The following GRID2 variants were observed in gnomAD, a reference collection of about 807,000 sequenced individuals.
The protein encoded by GRID2 is glutamate receptor ionotropic, delta-2.
GRID2 carries 33 observed loss-of-function variants against 114.8 expected under a neutral mutation model. The ratio of observed to expected loss-of-function variants is 0.29; its 90% CI spans 0.22 to 0.38. The LOEUF (loss-of-function observed/expected upper bound fraction) is 0.38, where lower values mean the gene tolerates loss of function less well. Ranked by LOEUF, GRID2 falls within the 10% of genes least tolerant of loss-of-function variation. The pLI is 1.00. For missense variants in GRID2, 1,184 were observed against 1,257.7 expected, an observed-to-expected ratio of 0.94 and a Z score of 0.89; for synonymous variants, 505 against 449.9, an observed-to-expected ratio of 1.12 and a Z score of -1.55.
At chr4:93,517,959 ATG>A (rs1729921629) in intron 13 of GRID2, among the ~76,000 whole-genome samples, 1 of 35,618 alleles carries the variant, frequency 2.8e-5, no homozygotes, top group Admixed American at 2.4e-4. Context: ...ATGTATATGT[ATG>A]TATATACATA....
chr4:92,687,807 C>T (rs576441783), intron 2 of GRID2, among the ~76,000 whole-genome samples: 46 of 151,902 alleles, frequency 3.0e-4, no homozygotes, highest in Middle Eastern at 3.4e-3. Flanking sequence ...CCAGCCTGGG[C>T]GACAAAGCAA....
At chr4:92,598,804 G>A (rs1240822040) in intron 2 of GRID2, among the ~76,000 whole-genome samples, 1 of 152,120 alleles carries the variant, frequency 6.6e-6, no homozygotes, top group East Asian at 1.9e-4. Context: ...AGTGCTGTAT[G>A]TGATGATTTA....
At chr4:92,927,843 G>A (rs1007104807) in intron 2 of GRID2, among the ~76,000 whole-genome samples, 10 of 151,588 alleles carry the variant, frequency 6.6e-5, no homozygotes, top group Middle Eastern at 3.2e-3. Context: ...AAATCTGAAC[G>A]ATTTCAGATT....
At chr4:92,648,550 C>A (rs1017893757) in intron 2 of GRID2, among the ~76,000 whole-genome samples, 5 of 149,346 alleles carry the variant, frequency 3.3e-5, no homozygotes, top group Admixed American at 6.7e-5. Flanking sequence ...GCCGTTTCTC[C>A]CTTCACTGAA....
At chr4:93,771,672 G>C (rs1441366942) in intron 15 of GRID2, among the ~76,000 whole-genome samples, 1 of 152,004 alleles carries the variant, frequency 6.6e-6, no homozygotes, top group Non-Finnish European at 1.5e-5. Context: ...AATTTAACTT[G>C]GAATGAGACG....
intron 14 of GRID2, among the ~76,000 whole-genome samples, chr4:93,730,320 A>T (rs181572213): frequency 3.9e-5 from 6 of 152,342 alleles, no homozygotes; most frequent in Non-Finnish European, 8.8e-5. Context: ...TGCAGCCTAG[A>T]TAGTAGTTAA....
chr4:93,407,724 C>A (rs1422959553), intron 9 of GRID2, among the ~76,000 whole-genome samples: 1 of 18,074 alleles, frequency 5.5e-5, no homozygotes, highest in African/African-American at 2.8e-4. Flanking sequence ...CCTCCTCCTT[C>A]TCCTCCTCCT....
chr4:92,331,061 G>T (rs1456446131), intron 1 of GRID2, among the ~76,000 whole-genome samples: 3 of 152,118 alleles, frequency 2.0e-5, no homozygotes, highest in Non-Finnish European at 4.4e-5. Flanking sequence ...TGTAGAGTTT[G>T]TCCTACTTGT....
At chr4:93,539,800 G>T (rs534233489) in intron 13 of GRID2, among the ~76,000 whole-genome samples, 1 of 151,614 alleles carries the variant, frequency 6.6e-6, no homozygotes, top group Admixed American at 6.6e-5. Context: ...TGTCTGATGG[G>T]TTTTTTTTGT....
intron 2 of GRID2, among the ~76,000 whole-genome samples, chr4:93,075,927 G>A (rs1375477133): frequency 2.3e-5 from 2 of 85,774 alleles, no homozygotes; most frequent in Non-Finnish European, 4.2e-5. Flanking sequence ...TTTTTGAGAT[G>A]GAGTCTCGCT....
chr4:93,182,367 G>A (rs1228626121), intron 4 of GRID2, among the ~76,000 whole-genome samples: 2 of 151,998 alleles, frequency 1.3e-5, no homozygotes, highest in Non-Finnish European at 2.9e-5. Context: ...CTCTAAATGT[G>A]TGATTTTTAT....
intron 8 of GRID2, among the ~76,000 whole-genome samples, chr4:93,347,454 G>C (rs1023335188): frequency 2.6e-5 from 4 of 151,828 alleles, no homozygotes; most frequent in African/African-American, 9.7e-5. Flanking sequence ...AAAAATATAG[G>C]AACAGATGAT....
At chr4:93,360,457 T>C (rs1761786966) in intron 8 of GRID2, among the ~76,000 whole-genome samples, 1 of 152,060 alleles carries the variant, frequency 6.6e-6, no homozygotes, top group Admixed American at 6.6e-5. Flanking sequence ...GTCTGATATG[T>C]AGTGTCAGTA....
chr4:93,483,448 G>C lies in GRID2; in HGVS notation c.1859-7191G>C, dbSNP rs1726068105. On this transcript the variant is annotated intron_variant, in intron 11 of 15. Coordinates refer to ENST00000282020, the MANE Select transcript of GRID2 (RefSeq NM_001510.4). ...AGATTACAAATTAAAAATGTTGTGA[G>C]TGTTTAAACCTATAAGAAGTGGATT... 2.6e-5 allele frequency among the ~76,000 whole-genome samples: 4 copies of C among 151,788 alleles called. No homozygotes were observed. The South Asian group carries it at 8.3e-4, about 31-fold the overall frequency.
intron 14 of GRID2, among the ~76,000 whole-genome samples, chr4:93,746,381 A>G (rs947166365): frequency 4.6e-5 from 7 of 152,102 alleles, no homozygotes; most frequent in African/African-American, 1.7e-4. Flanking sequence ...TTTATTTCAT[A>G]TATCTTATTT....
chr4:93,540,234 C>T (rs1286816734), intron 13 of GRID2, among the ~76,000 whole-genome samples: 3 of 151,830 alleles, frequency 2.0e-5, no homozygotes, highest in East Asian at 1.9e-4. Flanking sequence ...TTCCTTATTG[C>T]GATGTTTTTT....
At chr4:93,103,338 T>C (rs1275758825) in intron 3 of GRID2, among the ~76,000 whole-genome samples, 4 of 152,048 alleles carry the variant, frequency 2.6e-5, no homozygotes, top group Non-Finnish European at 4.4e-5. Flanking sequence ...GCCTCTCTAG[T>C]CTCCAATCTC....
In GRID2 at chr4:93,679,272, G is replaced by A. The variant is rs564151898; in HGVS notation, c.2360+52837G>A. On this transcript the variant is annotated intron_variant, in intron 14 of 15. Transcript: ENST00000282020. The stretch of plus-strand genomic sequence containing the variant: ...ACCCAATACAGGAGCACCCAGATTC[G>A]TAAAGCAAGTCCTTAGTGACCTACA... 1.3e-3 allele frequency among the ~76,000 whole-genome samples: 191 copies of A among 150,986 alleles called. 14 individuals are homozygous for A. The highest frequency in any genetic ancestry group is 4.4e-3 in the African/African-American group (178 of 40,746).
At chr4:92,687,182 AT>A (rs146395858) in intron 2 of GRID2, among the ~76,000 whole-genome samples, 38,748 of 142,616 alleles carry the variant, frequency 0.27, 5,115 homozygotes, top group East Asian at 0.44. Context: ...GATTTTTTTG[AT>A]TTTTTTTTTT....
Sources: gnomAD v4.1 joint callset for allele counts (sites outside exome capture counted in the v4.1 genomes callset) on GRCh38, gnomAD v4.1.1 for gene constraint, MANE v1.5 for transcripts, NCBI Gene and HGNC (gene_info 2026-07-23, HGNC 2026-07-21) for gene names.